PLA2G7: variants seen among roughly 807,000 people sequenced by gnomAD.
The protein encoded by PLA2G7 is platelet-activating factor acetylhydrolase.
In PLA2G7, 63 loss-of-function variants were observed where a neutral mutation model predicts 49.6. The ratio of observed to expected loss-of-function variants is 1.27; its 90% CI spans 1.04 to 1.57. PLA2G7 has a LOEUF of 1.57. PLA2G7 is among the 40% of genes most tolerant of loss of function. The pLI is 0.00. For missense variants in PLA2G7, 596 were observed against 521.2 expected, an observed-to-expected ratio of 1.14 and a Z score of -1.40; for synonymous variants, 193 against 169.9, an observed-to-expected ratio of 1.14 and a Z score of -1.06.
At chr6:46,719,976 G>A (rs1009685609) in intron 2 of PLA2G7, among the ~76,000 whole-genome samples, 12 of 152,124 alleles carry the variant, frequency 7.9e-5, no homozygotes, top group Non-Finnish European at 1.3e-4. Flanking sequence ...ATTACAAAAG[G>A]CTCTTCTTCC....
intron 1 of PLA2G7, among the ~76,000 whole-genome samples, chr6:46,728,699 C>A (rs545466011): frequency 6.6e-6 from 1 of 152,270 alleles, no homozygotes; most frequent in South Asian, 2.1e-4. Flanking sequence ...ACTGTAAGTT[C>A]CTGATCTTAC....
chr6:46,723,387 A>G (rs1212950434), intron 1 of PLA2G7, among the ~76,000 whole-genome samples: 1 of 152,190 alleles, frequency 6.6e-6, no homozygotes, highest in Non-Finnish European at 1.5e-5. Context: ...TTTGGGTGTT[A>G]ATATGATGTT....
chr6:46,719,721 C>G (rs935822447), intron 2 of PLA2G7, among the ~76,000 whole-genome samples: 1 of 152,180 alleles, frequency 6.6e-6, no homozygotes, highest in African/African-American at 2.4e-5. Context: ...GACCAGCCCA[C>G]AGTACAGTTG....
At position 46,709,346 on chromosome 6, in the gene PLA2G7, TAA is replaced by T. The variant is rs1764933809; in HGVS notation, c.848_849del (p.Leu283GlnfsTer2). ...SFGGATVIQT[L>X]SEDQRFRCGI... Reference sequence around the variant, plus strand: ...TCTTACCTGAATCTCTGATCTTCACTAAGAGTCTGAATAACCGTTGCTCCACC... The same window carrying T: ...TCTTACCTGAATCTCTGATCTTCACTGAGTCTGAATAACCGTTGCTCCACC... On this transcript the variant is annotated frameshift_variant, in exon 9 of 12. Transcript: ENST00000274793. LOFTEE classifies it high-confidence loss of function. 1 of 1,597,976 alleles carries T rather than the reference TAA, an allele frequency of 6.3e-7. No homozygotes were observed. Among genetic ancestry groups the T allele is most frequent in the African/African-American group, 1.3e-5 (1 of 74,634 alleles).
At chr6:46,714,623 A>G (rs898394960) in intron 4 of PLA2G7, 70 bp from the exon 5 acceptor site, 3 of 916,844 alleles carry the variant, frequency 3.3e-6, no homozygotes, top group Non-Finnish European at 5.5e-6. Context: ...TTCATATCTC[A>G]TTAGCATAAA....
intron 8 of PLA2G7, 92 bp from the exon 9 acceptor site, chr6:46,709,510 A>T: frequency 5.2e-6 from 4 of 764,288 alleles, no homozygotes; most frequent in Non-Finnish European, 7.1e-6. Context: ...TTTCATGGGG[A>T]TGGTTAAATA....
intron 7 of PLA2G7, 81 bp from the exon 8 acceptor site, chr6:46,710,739 TG>T (rs1764988426): frequency 9.8e-6 from 11 of 1,123,792 alleles, no homozygotes; most frequent in Non-Finnish European, 1.5e-5. Flanking sequence ...AAGCTGTATT[TG>T]GGAAAAATCG....
intron 4 of PLA2G7, among the ~76,000 whole-genome samples, chr6:46,715,429 T>C (rs1292844793): frequency 6.6e-6 from 1 of 152,222 alleles, no homozygotes; most frequent in Non-Finnish European, 1.5e-5. Flanking sequence ...ATGATATCTC[T>C]TTCATAGGGT....
chr6:46,717,536 C>T (rs748648957), intron 2 of PLA2G7, among the ~76,000 whole-genome samples: 14 of 151,924 alleles, frequency 9.2e-5, no homozygotes, highest in Non-Finnish European at 1.8e-4. Context: ...CAAAATGAAA[C>T]TAAATGATCA....
chr6:46,734,691 G>GTA (rs1765861701), intron 1 of PLA2G7, among the ~76,000 whole-genome samples: 1 of 151,750 alleles, frequency 6.6e-6, no homozygotes, highest in South Asian at 2.1e-4. Context: ...AGCGTGATAC[G>GTA]GCACGCCAGC....
In PLA2G7 at chr6:46,705,079, T is replaced by G. The variant is rs45596341; in HGVS notation, c.1189+74A>C. Reference sequence around the variant, plus strand: ...CAACTGGAAATAGTTTAAATAGTACTAAAGCTGTATTAAGATAGACAGCTT... The same window carrying G: ...CAACTGGAAATAGTTTAAATAGTACGAAAGCTGTATTAAGATAGACAGCTT... On this transcript the variant is annotated intron_variant, in intron 11 of 11. Transcript: ENST00000274793. 3.8e-6 allele frequency: 4 copies of G among 1,062,544 alleles called. No homozygotes were observed. In the African/African-American group the frequency reaches 4.7e-5, roughly 12 times the overall value. The allele number at this position is 1,062,544 out of a possible 1,614,324, so 65.8% of individuals were successfully genotyped here. A position where few individuals can be genotyped will look rare whatever the true frequency, so the allele number is the denominator to read the frequency against.
chr6:46,711,555 A>G lies in PLA2G7; in HGVS notation c.604T>C (p.Ser202Pro). 2 of 1,613,758 alleles carry G rather than the reference A, an allele frequency of 1.2e-6. No homozygotes were observed. The highest frequency in any genetic ancestry group is 8.5e-7 in the Non-Finnish European group (1 of 1,179,652). Residue 202 changes from serine (S) to proline (P), a missense_variant, in exon 7 of 12, where the codon TCT becomes CCT. By Grantham distance (74) the Ser-to-Pro change is moderately conservative (BLOSUM62 -1). Transcript: ENST00000274793. ...DQSAAEIGDK[S>P]WLYLRTLKQE... is the part of the protein sequence containing the mutation. ...TTCAGGGTTCTAAGGTAGAGCCAAGACTTGTCCCCTATTTCTGCAGCAGAT... is the reference window on the plus strand; with the variant it reads ...TTCAGGGTTCTAAGGTAGAGCCAAGGCTTGTCCCCTATTTCTGCAGCAGAT...
chr6:46,722,430 G>C (rs1387411033), intron 2 of PLA2G7, among the ~76,000 whole-genome samples: 1 of 152,154 alleles, frequency 6.6e-6, no homozygotes. Flanking sequence ...GTGGACTCCA[G>C]ACCAGTTGCA....
At chr6:46,708,186 G>A (rs765834551) in intron 9 of PLA2G7, 25 bp from the exon 10 acceptor site, 4 of 1,576,402 alleles carry the variant, frequency 2.5e-6, no homozygotes, top group Non-Finnish European at 3.5e-6. Context: ...TGACAATGAT[G>A]AAATTAAACT....
intron 2 of PLA2G7, among the ~76,000 whole-genome samples, chr6:46,718,359 A>T (rs997203123): frequency 6.6e-6 from 1 of 152,262 alleles, no homozygotes; most frequent in African/African-American, 2.4e-5. Context: ...TCCTAAGCCA[A>T]TACTCTGCTA....
chr6:46,733,417 T>G (rs1028715094), intron 1 of PLA2G7, among the ~76,000 whole-genome samples: 17 of 149,162 alleles, frequency 1.1e-4, no homozygotes, highest in Admixed American at 6.7e-5. Flanking sequence ...TTCACAACAC[T>G]CCTAATGCTG....
chr6:46,728,713 C>T (rs1765642830), intron 1 of PLA2G7, among the ~76,000 whole-genome samples: 1 of 152,220 alleles, frequency 6.6e-6, no homozygotes, highest in Non-Finnish European at 1.5e-5. Context: ...ATCTTACTCT[C>T]AGACTCAGTC....
chr6:46,731,383 G>A (rs1427150901), intron 1 of PLA2G7, among the ~76,000 whole-genome samples: 1 of 152,088 alleles, frequency 6.6e-6, no homozygotes, highest in East Asian at 1.9e-4. Context: ...ACAAATCTTT[G>A]CACTCACAGA....
intron 4 of PLA2G7, among the ~76,000 whole-genome samples, chr6:46,715,034 G>A (rs569014376): frequency 1.3e-5 from 2 of 152,120 alleles, no homozygotes; most frequent in South Asian, 2.1e-4. Context: ...CGCACCCGGC[G>A]TAAGTTCTTT....
Sources: gnomAD v4.1 joint callset for allele counts (sites outside exome capture counted in the v4.1 genomes callset) on GRCh38, gnomAD v4.1.1 for gene constraint, MANE v1.5 for transcripts, NCBI Gene and HGNC (gene_info 2026-07-23, HGNC 2026-07-21) for gene names.